Variants in PDE4DIP observed in about 807,000 individuals in gnomAD.
PDE4DIP encodes phosphodiesterase 4D interacting protein.
A neutral mutation model predicts 221.4 loss-of-function variants in PDE4DIP; 59 were observed. The observed-to-expected ratio is 0.27, with a 90% CI of 0.22 to 0.33. The LOEUF is 0.33. Among genes scored for constraint, PDE4DIP ranks in the 10% least tolerant of loss-of-function variants. PDE4DIP has a pLI of 1.00. For synonymous variants in PDE4DIP, 404 were observed against 815.9 expected (o/e 0.50, Z 8.60); for missense variants, 1,036 against 2,154.2 (o/e 0.48, Z 10.28).
At chr1:148,963,385 A>G (rs2057394480) in intron 9 of PDE4DIP, among the ~76,000 whole-genome samples, 2 of 152,226 alleles carry the variant, frequency 1.3e-5, no homozygotes, top group South Asian at 4.1e-4. Context: ...CTGGAAATAC[A>G]AGGATGAATA....
chr1:149,028,526 A>G (rs782563149), intron 40 of PDE4DIP, 34 bp from the exon 44 acceptor site: 1 of 1,594,710 alleles, frequency 6.3e-7, no homozygotes, highest in South Asian at 1.1e-5. Context: ...GAAGAAAGTA[A>G]TCTCTCCGCT....
intron 43 of PDE4DIP, chr1:149,031,110 A>AT: frequency 5.1e-6 from 2 of 392,812 alleles, no homozygotes; most frequent in Non-Finnish European, 3.4e-6. Flanking sequence ...TCTTTTTTTT[A>AT]TTTTTTCACT....
In PDE4DIP at chr1:149,012,573, T is replaced by C. The variant is rs587738153; in HGVS notation, c.5081-18T>C. Reference sequence around the variant, plus strand: ...TCTTGATGATGTGTCTCTTTTCTCCTTAACTTTCTTTTCCTAGGCTTTCAT... The same window carrying C: ...TCTTGATGATGTGTCTCTTTTCTCCCTAACTTTCTTTTCCTAGGCTTTCAT... On this transcript the variant is annotated intron_variant, in intron 31 of 43. Coordinates refer to ENST00000369354, the Ensembl canonical transcript of PDE4DIP. The C allele has an allele frequency of 9.2e-4, 1,449 of 1,569,080 alleles. 24 individuals carry two copies. The South Asian group carries it at 0.015, about 16-fold the overall frequency.
intron 1 of PDE4DIP, among the ~76,000 whole-genome samples, chr1:148,924,040 C>T (rs1190900822): frequency 0.014 from 2,086 of 151,096 alleles, 1 homozygote; most frequent in African/African-American, 0.049. Context: ...CTGGGTAGTT[C>T]TGCCACACCA....
At chr1:148,828,654 T>C (rs1258180686) in intron 1 of PDE4DIP, among the ~76,000 whole-genome samples, 1 of 151,432 alleles carries the variant, frequency 6.6e-6, no homozygotes, top group Non-Finnish European at 1.5e-5. Context: ...ACACAAGTCT[T>C]CCCTCACTAT....
chr1:148,836,864 G>A (rs4649764), intron 1 of PDE4DIP, among the ~76,000 whole-genome samples: 16 of 35,008 alleles, frequency 4.6e-4, no homozygotes, highest in South Asian at 3.0e-3. Flanking sequence ...TATCTTTATC[G>A]CCCTTATCAC....
rs58582842 is a variant in PDE4DIP, at chr1:148,958,097, T to C, written c.637-2557T>C. Among the ~76,000 whole-genome samples the C allele has an allele frequency of 9.2e-3, 1,237 of 134,576 alleles. 29 individuals carry two copies. Among genetic ancestry groups the C allele is most frequent in the African/African-American group, 0.035 (1,187 of 34,048 alleles). The allele number at this position is 134,576 out of a possible 152,430, so 88.3% of individuals were successfully genotyped here. A position where few individuals can be genotyped will look rare whatever the true frequency, so the allele number is the denominator to read the frequency against. On this transcript the variant is annotated intron_variant, in intron 5 of 43. Coordinates refer to ENST00000369354, the Ensembl canonical transcript of PDE4DIP. ...GTGACATAGTTCATATTGCCTCAGG[T>C]GAAGGCTTCCTGTTATACTCACAAC...
chr1:148,918,651 A>ACACG lies in PDE4DIP; in HGVS notation c.142-10543_142-10542insGCAC, dbSNP rs1352815018. Among the ~76,000 whole-genome samples, 1,185 of 128,226 alleles carry ACACG rather than the reference A, an allele frequency of 9.2e-3. 89 individuals are homozygous for ACACG. Among genetic ancestry groups the ACACG allele is most frequent in the Middle Eastern group, 0.038 (10 of 260 alleles). 84.1% of individuals were successfully genotyped at this position (128,226 alleles called of 152,430 possible). A position where few individuals can be genotyped will look rare whatever the true frequency, so the allele number is the denominator to read the frequency against. On this transcript the variant is annotated intron_variant, in intron 1 of 43. Transcript: ENST00000369354. Reference sequence around the variant, plus strand: ...CACACACACACACACACACACACACACACACACCCTAGCTGTGTCTATCCA... The same window carrying ACACG: ...CACACACACACACACACACACACACACACGCACACACCCTAGCTGTGTCTATCCA...
At chr1:148,963,755 T>C (rs1233648723) in intron 9 of PDE4DIP, among the ~76,000 whole-genome samples, 3 of 126,652 alleles carry the variant, frequency 2.4e-5, no homozygotes, top group African/African-American at 6.1e-5. Context: ...CTTCTTTTTT[T>C]TTTTTTTTTT....
chr1:149,030,641 A>T (rs1451541120), intron 43 of PDE4DIP: 1 of 802,740 alleles, frequency 1.2e-6, no homozygotes, highest in African/African-American at 1.9e-5. Flanking sequence ...TAGTAGAGGG[A>T]TCTTGAGGCC....
intron 40 of PDE4DIP, 143 bp from the exon 44 acceptor site, chr1:149,028,417 G>C: frequency 1.7e-6 from 1 of 592,486 alleles, no homozygotes; most frequent in Non-Finnish European, 2.9e-6. Context: ...CAGCACCTTA[G>C]TTCTGAGAGC....
chr1:148,937,340 AT>A (rs1166137264), intron 4 of PDE4DIP, among the ~76,000 whole-genome samples: 1 of 152,216 alleles, frequency 6.6e-6, no homozygotes, highest in African/African-American at 2.4e-5. Context: ...CAAAACAGCG[AT>A]TGTTTCTTTT....
intron 1 of PDE4DIP, among the ~76,000 whole-genome samples, chr1:148,899,822 G>A (rs12087813): frequency 1.8e-3 from 38 of 21,330 alleles, no homozygotes; most frequent in African/African-American, 9.4e-3. Context: ...CATGGGAAAG[G>A]TGGATTCAAG....
At chr1:148,992,287 C>T (rs782443469) in intron 22 of PDE4DIP, 33 of 1,586,114 alleles carry the variant, frequency 2.1e-5, no homozygotes, top group East Asian at 1.4e-4. Flanking sequence ...ACTTGCAAGA[C>T]GATGGACACA....
At chr1:148,979,095 C>T (rs2060683971) in intron 19 of PDE4DIP, among the ~76,000 whole-genome samples, 3 of 151,618 alleles carry the variant, frequency 2.0e-5, no homozygotes, top group Admixed American at 2.0e-4. Context: ...TCTGTAGCTA[C>T]AGCCCCATTT....
chr1:149,016,300 T>C (rs782126633), exon 33 of PDE4DIP: 8 of 1,613,774 alleles, frequency 5.0e-6, no homozygotes, highest in Non-Finnish European at 6.8e-6. Context: ...TCTGCCCAGG[T>C]GCCAGCACTG....
At chr1:148,963,113 C>T (rs1287887377) in intron 9 of PDE4DIP, among the ~76,000 whole-genome samples, 5 of 152,246 alleles carry the variant, frequency 3.3e-5, no homozygotes, top group South Asian at 2.1e-4. Flanking sequence ...AGGATGGTCT[C>T]GATCTCCTGA....
At chr1:149,029,436 A>G (rs2076071043) in intron 41 of PDE4DIP, among the ~76,000 whole-genome samples, 2 of 152,198 alleles carry the variant, frequency 1.3e-5, no homozygotes, top group Non-Finnish European at 2.9e-5. Context: ...AACACTTCTG[A>G]ACTCTCAATC....
chr1:148,984,329 A>G (rs1269252988), intron 21 of PDE4DIP: 5 of 152,046 alleles, frequency 3.3e-5, no homozygotes, highest in Admixed American at 6.6e-5. Flanking sequence ...CTTAGAGGAA[A>G]TACATTTTTC....
Sources: gnomAD v4.1 joint callset for allele counts (sites outside exome capture counted in the v4.1 genomes callset) on GRCh38, gnomAD v4.1.1 for gene constraint, MANE v1.5 for transcripts, NCBI Gene and HGNC (gene_info 2026-07-23, HGNC 2026-07-21) for gene names.